INPP5A: variants seen among roughly 807,000 people sequenced by gnomAD.
INPP5A encodes the protein 43 kDa inositol polyphosphate 5-phophatase.
In INPP5A, 14 loss-of-function variants were observed where a neutral mutation model predicts 65.2. That is an observed-to-expected ratio of 0.21 (90% CI 0.14 to 0.34). The LOEUF is 0.34. Among genes scored for constraint, INPP5A ranks in the 10% least tolerant of loss-of-function variants. INPP5A has a pLI of 1.00. For missense variants in INPP5A, 431 were observed against 545.6 expected, an observed-to-expected ratio of 0.79 and a Z score of 2.09; for synonymous variants, 207 against 208.3, an observed-to-expected ratio of 0.99 and a Z score of 0.05.
intron 1 of INPP5A, among the ~76,000 whole-genome samples, chr10:132,558,879 C>T (rs144114172): frequency 1.6e-4 from 24 of 152,340 alleles, no homozygotes; most frequent in South Asian, 1.0e-3. Context: ...CTGCAGCCTC[C>T]GGGGCCATGG....
chr10:132,632,556 G>A (rs1392257643), intron 2 of INPP5A, among the ~76,000 whole-genome samples: 1 of 152,198 alleles, frequency 6.6e-6, no homozygotes, highest in East Asian at 1.9e-4. Context: ...GGGTCCAGCA[G>A]GAGCCCGTGC....
chr10:132,761,610 G>A (rs1392253128), intron 11 of INPP5A, among the ~76,000 whole-genome samples: 1 of 152,128 alleles, frequency 6.6e-6, no homozygotes, highest in East Asian at 1.9e-4. Context: ...GCCATGCGGA[G>A]GCTTGCTGAG....
At chr10:132,646,965 G>A (rs949258096) in intron 3 of INPP5A, among the ~76,000 whole-genome samples, 8 of 152,176 alleles carry the variant, frequency 5.3e-5, no homozygotes, top group African/African-American at 9.7e-5. Flanking sequence ...GGCTTCAGGC[G>A]ATCCCAGCCG....
At position 132,749,631 on chromosome 10, in the gene INPP5A, T is replaced by C; in HGVS notation, c.828+19T>C. On this transcript the variant is annotated intron_variant, in intron 10 of 15. Coordinates refer to ENST00000368594, the MANE Select transcript of INPP5A (RefSeq NM_005539.5). ...CCGGAAGGTGAGCGGGGCCTGTGAC[T>C]GGGCAGGTGACGCACGGGGCCTGCG... The C allele has an allele frequency of 2.5e-6, 4 of 1,611,166 alleles. No homozygotes were observed. In the East Asian group the frequency reaches 6.7e-5, roughly 27 times the overall value.
rs921393336 is a variant in INPP5A at position 132,616,546 on chromosome 10, G to A, written c.117+8590G>A. Among the ~76,000 whole-genome samples, 4 of 152,184 alleles carry A rather than the reference G, an allele frequency of 2.6e-5. No individual in the cohort carries two copies. Among genetic ancestry groups the A allele is most frequent in the East Asian group, 3.9e-4 (2 of 5,174 alleles). On this transcript the variant is annotated intron_variant, in intron 2 of 15. Transcript: ENST00000368594. This position sits in a 1 kb window ranked among gnomAD's most constrained non-coding sequence, Gnocchi z 4.9. ...TCACATGGGACATGGTGTATGGGAC[G>A]TGGTGGTGACATAGTGTGTGTTGGT...
intron 1 of INPP5A, among the ~76,000 whole-genome samples, chr10:132,582,041 A>G (rs1045332287): frequency 1.4e-4 from 22 of 152,000 alleles, no homozygotes; most frequent in African/African-American, 5.1e-4. Flanking sequence ...GGGTTTCACC[A>G]TGTTGGCCAG....
At chr10:132,544,014 G>T (rs910632512) in intron 1 of INPP5A, among the ~76,000 whole-genome samples, 2 of 152,236 alleles carry the variant, frequency 1.3e-5, no homozygotes, top group Admixed American at 6.5e-5. Flanking sequence ...GGGTGACGTG[G>T]TGAGTTCGTA....
chr10:132,610,065 C>G (rs546278735), intron 2 of INPP5A, among the ~76,000 whole-genome samples: 1 of 152,222 alleles, frequency 6.6e-6, no homozygotes, highest in Admixed American at 6.5e-5. Flanking sequence ...GGGCCTGACC[C>G]GCAGTTCCTG....
intron 2 of INPP5A, among the ~76,000 whole-genome samples, chr10:132,645,528 A>C (rs934388220): frequency 6.6e-6 from 1 of 152,164 alleles, no homozygotes; most frequent in Non-Finnish European, 1.5e-5. Flanking sequence ...TGACCAGTTG[A>C]TCTTGAGGCT....
rs142627391 is a variant in INPP5A at position 132,661,019 on chromosome 10, T to C, written c.306+10514T>C. Among the ~76,000 whole-genome samples the C allele has an allele frequency of 4.9e-3, 751 of 152,302 alleles. 5 individuals carry two copies. Among genetic ancestry groups the C allele is most frequent in the African/African-American group, 0.016 (681 of 41,558 alleles). On this transcript the variant is annotated intron_variant, in intron 4 of 15. Transcript: ENST00000368594. The stretch of plus-strand genomic sequence containing the variant: ...GGAGGAAAACCAGATCCCTGCACCT[T>C]GGCCAAGATGAGGATGCCGGATGGA...
chr10:132,687,178 C>T (rs1453875939), intron 4 of INPP5A, among the ~76,000 whole-genome samples: 1 of 152,196 alleles, frequency 6.6e-6, no homozygotes, highest in Non-Finnish European at 1.5e-5. Flanking sequence ...CTCCTGACCT[C>T]GAGTGATCCG....
chr10:132,673,540 A>G (rs2072922703), intron 4 of INPP5A, among the ~76,000 whole-genome samples: 1 of 152,128 alleles, frequency 6.6e-6, no homozygotes, highest in African/African-American at 2.4e-5. Flanking sequence ...CATTCTGTCA[A>G]CCCAGCTGCT....
At chr10:132,725,870 G>A (rs1845976149) in intron 8 of INPP5A, among the ~76,000 whole-genome samples, 1 of 152,218 alleles carries the variant, frequency 6.6e-6, no homozygotes, top group Non-Finnish European at 1.5e-5. Flanking sequence ...GGCAACCAGA[G>A]TATTTCCTTT....
chr10:132,620,769 C>G (rs2072098096), intron 2 of INPP5A, among the ~76,000 whole-genome samples: 1 of 152,124 alleles, frequency 6.6e-6, no homozygotes, highest in African/African-American at 2.4e-5. Flanking sequence ...AGATGGCTTC[C>G]CTGGTGAATT....
chr10:132,660,006 G>A lies in INPP5A; in HGVS notation c.306+9501G>A, dbSNP rs577954320. ...GTGACACAACACATTCTCATGCTCC[G>A]CCGACGCGTGACCCACGGCACGTTC... On this transcript the variant is annotated intron_variant, in intron 4 of 15. Transcript: ENST00000368594. 1.3e-4 allele frequency among the ~76,000 whole-genome samples: 20 copies of A among 152,306 alleles called. No homozygotes were observed. In the East Asian group the frequency reaches 1.5e-3, roughly 12 times the overall value.
At chr10:132,680,957 G>C (rs999288726) in intron 4 of INPP5A, among the ~76,000 whole-genome samples, 3 of 152,228 alleles carry the variant, frequency 2.0e-5, no homozygotes, top group African/African-American at 7.2e-5. Context: ...GCTCCTGTGC[G>C]GCCGGAGCCT....
chr10:132,603,952 C>T lies in INPP5A; in HGVS notation c.76-3963C>T, dbSNP rs932037457. 1.3e-5 allele frequency among the ~76,000 whole-genome samples: 2 copies of T among 151,466 alleles called. No homozygotes were observed. Among genetic ancestry groups the T allele is most frequent in the African/African-American group, 4.9e-5 (2 of 41,160 alleles). ...TCCAGCCCTGCGCCGTCAAGGTCCC[C>T]TCTCCGTCCCGCCCTGCGCCGTCAG... On this transcript the variant is annotated intron_variant, in intron 1 of 15. Transcript: ENST00000368594. This position sits in a 1 kb window ranked among gnomAD's most constrained non-coding sequence, Gnocchi z 4.2.
rs2133234736 is a variant in INPP5A at position 132,538,107 on chromosome 10, A to C, written c.11A>C (p.Lys4Thr). Residue 4 changes from lysine (K) to threonine (T), a missense_variant, in exon 1 of 16, where the codon AAG (lysine) becomes ACG (threonine). Physicochemically the swap from Lys to Thr is moderately conservative, Grantham distance 78. Coordinates refer to ENST00000368594, the MANE Select transcript of INPP5A (RefSeq NM_005539.5). The surrounding 1 kb of genome is among the most constrained non-coding windows in gnomAD (Gnocchi z 4.1). The part of the protein sequence containing the change: MAG[K>T]AAAPGTAVLL... ...CGCCGCCCGGGCACCATGGCGGGGA[A>C]GGCGGCCGCCCCGGGCACCGCGGTG... 3.3e-6 allele frequency: 4 copies of C among 1,207,222 alleles called. No individual in the cohort carries two copies. The highest frequency in any genetic ancestry group is 1.6e-5 in the African/African-American group (1 of 63,038). The allele number at this position is 1,207,222 out of a possible 1,614,324, so 74.8% of individuals were successfully genotyped here.
At chr10:132,744,703 C>T (rs1055208531) in intron 9 of INPP5A, among the ~76,000 whole-genome samples, 1 of 152,170 alleles carries the variant, frequency 6.6e-6, no homozygotes, top group Non-Finnish European at 1.5e-5. Flanking sequence ...CTGTGAACGC[C>T]CTTTTACTCC....
Sources: gnomAD v4.1 joint callset for allele counts (sites outside exome capture counted in the v4.1 genomes callset) on GRCh38, gnomAD v4.1.1 for gene constraint, Gnocchi (gnomAD v3.1) non-coding constraint, MANE v1.5 for transcripts, NCBI Gene and HGNC (gene_info 2026-07-23, HGNC 2026-07-21) for gene names.